The following GDPD4 variants were observed in gnomAD, a reference collection of about 807,000 sequenced individuals.
GDPD4 encodes the protein glycerophosphodiester phosphodiesterase 6.
A neutral mutation model predicts 67.8 loss-of-function variants in GDPD4; 60 were observed. That is an observed-to-expected ratio of 0.88 (90% confidence interval 0.72 to 1.10). GDPD4 has a LOEUF of 1.10. Among genes scored for constraint, GDPD4 ranks in the 50% least tolerant of loss-of-function variants. GDPD4 has a pLI of 0.00. For synonymous variants in GDPD4, 212 were observed against 210.9 expected (o/e 1.00, Z -0.04); for missense variants, 623 against 613.9 (o/e 1.01, Z -0.16).
intron 11 of GDPD4, among the ~76,000 whole-genome samples, chr11:77,247,975 C>T (rs886755315): frequency 2.2e-5 from 3 of 138,980 alleles, no homozygotes; most frequent in Admixed American, 7.8e-5. Context: ...TCGCTTGAAC[C>T]GGGAGGCAGA....
Position 77,269,947 on chromosome 11 carries a change from T to C in GDPD4, c.414A>G (p.Arg138=). 6.5e-7 allele frequency: 1 copy of C among 1,538,258 alleles called. No homozygotes were observed. The highest frequency in any genetic ancestry group is 9.0e-7 in the Non-Finnish European group (1 of 1,115,472). ...ACLEREVRMR[R]YRMTHSEKKR... is the part of the protein sequence containing the mutation. ...TTTTCTCAGAATGTGTCATCCTGTA[T>C]CTTCTCATTCTAACTAAAATTTAGA... Residue 138 remains arginine, a synonymous_variant, in exon 8 of 17, where the codon AGA becomes AGG. Coordinates refer to ENST00000315938, the MANE Select transcript of GDPD4 (RefSeq NM_182833.3).
At chr11:77,225,806 A>G (rs950448380) in intron 16 of GDPD4, among the ~76,000 whole-genome samples, 1 of 152,146 alleles carries the variant, frequency 6.6e-6, no homozygotes. Flanking sequence ...AACACATGGC[A>G]CTCCGTATTT....
At chr11:77,249,991 T>C (rs566810163) in intron 11 of GDPD4, among the ~76,000 whole-genome samples, 33 of 152,338 alleles carry the variant, frequency 2.2e-4, no homozygotes, top group Non-Finnish European at 3.8e-4. Flanking sequence ...TTAAAAAGTA[T>C]AACATCTTAT....
At chr11:77,293,022 A>G (rs1272228341) in intron 1 of GDPD4, among the ~76,000 whole-genome samples, 1 of 152,124 alleles carries the variant, frequency 6.6e-6, no homozygotes, top group Admixed American at 6.6e-5. Context: ...AAGAAAAAAA[A>G]CAACAACAAC....
intron 10 of GDPD4, among the ~76,000 whole-genome samples, chr11:77,264,977 C>G (rs1445850057): frequency 6.6e-6 from 1 of 152,100 alleles, no homozygotes; most frequent in Non-Finnish European, 1.5e-5. Flanking sequence ...GAGAGCTGCT[C>G]TGAAATCATT....
intron 3 of GDPD4, among the ~76,000 whole-genome samples, chr11:77,281,287 T>C (rs1959741657): frequency 6.6e-6 from 1 of 152,130 alleles, no homozygotes; most frequent in African/African-American, 2.4e-5. Flanking sequence ...CAATACATAT[T>C]GCAATGTTTT....
chr11:77,272,370 C>A (rs1359862074), intron 5 of GDPD4, among the ~76,000 whole-genome samples: 1 of 152,160 alleles, frequency 6.6e-6, no homozygotes, highest in African/African-American at 2.4e-5. Flanking sequence ...CTAAATGCAT[C>A]ACAACACAAA....
At chr11:77,296,265 A>AG (rs1243529285) in intron 1 of GDPD4, among the ~76,000 whole-genome samples, 1 of 150,692 alleles carries the variant, frequency 6.6e-6, no homozygotes, top group Non-Finnish European at 1.5e-5. Context: ...AAAAAAAAAA[A>AG]AAAAGAAAAG....
chr11:77,223,054 A>G (rs1372318536), intron 16 of GDPD4, among the ~76,000 whole-genome samples: 1 of 152,188 alleles, frequency 6.6e-6, no homozygotes, highest in East Asian at 1.9e-4. Flanking sequence ...TTCTCATGCC[A>G]TGGTTTTCAG....
intron 11 of GDPD4, among the ~76,000 whole-genome samples, chr11:77,251,432 C>T (rs1054925097): frequency 1.3e-5 from 2 of 152,122 alleles, no homozygotes; most frequent in Non-Finnish European, 2.9e-5. Flanking sequence ...CCAGTTTTTG[C>T]TTGTCTGGGA....
At chr11:77,254,624 GA>G (rs1347466506) in intron 11 of GDPD4, among the ~76,000 whole-genome samples, 60 of 152,156 alleles carry the variant, frequency 3.9e-4, no homozygotes, top group African/African-American at 1.4e-3. Flanking sequence ...GTATCTGCAT[GA>G]AAATTATATT....
intron 11 of GDPD4, among the ~76,000 whole-genome samples, chr11:77,255,856 G>T (rs1013941961): frequency 6.6e-6 from 1 of 152,076 alleles, no homozygotes; most frequent in Non-Finnish European, 1.5e-5. Flanking sequence ...TACAGAGCGA[G>T]ACTCTGTCTC....
At chr11:77,245,246 C>G in intron 12 of GDPD4, 35 bp downstream of exon 12, 2 of 1,555,234 alleles carry the variant, frequency 1.3e-6, no homozygotes, top group Non-Finnish European at 1.8e-6. Context: ...CTACCCACCT[C>G]CCAACCTATG....
Position 77,245,350 on chromosome 11 carries a change from A to C in GDPD4, c.1017T>G (p.His339Gln). 3 of 1,614,150 alleles carry C rather than the reference A, an allele frequency of 1.9e-6. No homozygotes were observed. The highest frequency in any genetic ancestry group is 1.3e-5 in the African/African-American group (1 of 75,026). ...GGCGGACAAATGTGTGTCTGAGAGG[A>C]TGTTTTGGTGGAGGGCGATGAAGAT... ...IFDLHRPPPK[H>Q]PLRHTFVRQV... Residue 339 changes from histidine to glutamine, a missense_variant, in exon 12 of 17, where the codon CAT becomes CAG. His to Gln is a conservative substitution (Grantham distance 24, BLOSUM62 0). Coordinates refer to ENST00000315938, the MANE Select transcript of GDPD4 (RefSeq NM_182833.3).
At chr11:77,266,022 A>T (rs930401827) in intron 10 of GDPD4, among the ~76,000 whole-genome samples, 2 of 152,222 alleles carry the variant, frequency 1.3e-5, no homozygotes, top group East Asian at 3.8e-4. Flanking sequence ...AATATTCCAC[A>T]GTATGGATGA....
intron 13 of GDPD4, among the ~76,000 whole-genome samples, chr11:77,236,760 A>G (rs1044882983): frequency 6.6e-6 from 1 of 152,156 alleles, no homozygotes; most frequent in Non-Finnish European, 1.5e-5. Context: ...ACAAATCAAC[A>G]ATCGCAATTA....
chr11:77,290,312 A>G (rs1221412625), intron 1 of GDPD4, among the ~76,000 whole-genome samples: 3 of 152,200 alleles, frequency 2.0e-5, no homozygotes, highest in Non-Finnish European at 4.4e-5. Flanking sequence ...TACAGAATAC[A>G]CATTCTTCCC....
At chr11:77,238,998 A>G (rs997795754) in intron 13 of GDPD4, among the ~76,000 whole-genome samples, 1 of 152,230 alleles carries the variant, frequency 6.6e-6, no homozygotes, top group Non-Finnish European at 1.5e-5. Context: ...ATCATTCACC[A>G]TAATCAAGTG....
intron 7 of GDPD4, among the ~76,000 whole-genome samples, chr11:77,270,531 C>T (rs1238093674): frequency 6.6e-6 from 1 of 152,172 alleles, no homozygotes; most frequent in African/African-American, 2.4e-5. Flanking sequence ...TCCTGGCCAA[C>T]ATGGTAAAAC....
Sources: gnomAD v4.1 joint callset for allele counts (sites outside exome capture counted in the v4.1 genomes callset) on GRCh38, gnomAD v4.1.1 for gene constraint, MANE v1.5 for transcripts, NCBI Gene and HGNC (gene_info 2026-07-23, HGNC 2026-07-21) for gene names.